Variants in USP8 observed in about 807,000 individuals in gnomAD.
USP8 encodes the protein ubiquitin specific peptidase 8.
Under a neutral mutation model 130.0 loss-of-function variants are expected in USP8, and 27 were observed. The ratio of observed to expected loss-of-function variants is 0.21; its 90% CI spans 0.15 to 0.29. USP8 has a LOEUF of 0.29. Among genes scored for constraint, USP8 ranks in the 10% least tolerant of loss-of-function variants. USP8 has a pLI of 1.00. For missense variants in USP8, 1,029 were observed against 1,312.2 expected (o/e 0.78, Z 3.33); for synonymous variants, 392 against 444.1 (o/e 0.88, Z 1.48).
chr15:50,445,322 G>C (rs955752153), intron 3 of USP8, among the ~76,000 whole-genome samples: 1 of 151,114 alleles, frequency 6.6e-6, no homozygotes, highest in Non-Finnish European at 1.5e-5. Context: ...GAGGCAGGTG[G>C]ATCACTTGCG....
chr15:50,482,517 TTG>T (rs2051811865), intron 11 of USP8, among the ~76,000 whole-genome samples: 1 of 152,224 alleles, frequency 6.6e-6, no homozygotes, highest in Non-Finnish European at 1.5e-5. Flanking sequence ...TAGTGATTTT[TTG>T]GTCAGATCGG....
intron 5 of USP8, among the ~76,000 whole-genome samples, chr15:50,461,281 C>T (rs1006939125): frequency 6.6e-6 from 1 of 151,882 alleles, no homozygotes; most frequent in Non-Finnish European, 1.5e-5. Flanking sequence ...CGTCAGCCAC[C>T]GTGCCTGGCC....
Position 50,504,046 on chromosome 15 carries a change from C to A in USP8, c.*4958C>A, listed in dbSNP as rs1200604428. ...ATAGTTGGCCGTCCATATTTACGGGCTCTGCATCTTCAGAATCAACTAATG... is the reference window on the plus strand; with the variant it reads ...ATAGTTGGCCGTCCATATTTACGGGATCTGCATCTTCAGAATCAACTAATG... On this transcript the variant is annotated 3_prime_UTR_variant, in exon 20 of 20. Transcript: ENST00000307179. 1 of 152,052 alleles carries A rather than the reference C, an allele frequency of 6.6e-6. No individual in the cohort carries two copies. The highest frequency in any genetic ancestry group is 1.5e-5 in the Non-Finnish European group (1 of 68,020). 9.4% of individuals were successfully genotyped at this position (152,052 alleles called of 1,614,324 possible).
rs1259464105 is a variant in USP8, at chr15:50,492,754, G to A, written c.2288G>A (p.Arg763Gln). 1.9e-6 allele frequency: 3 copies of A among 1,613,946 alleles called. No individual in the cohort carries two copies. Among genetic ancestry groups the A allele is most frequent in the East Asian group, 2.2e-5 (1 of 44,866 alleles). The change falls in exon 15 of 20, where the codon CGG (arginine) becomes CAG (glutamine). Residue 763 changes from arginine (R) to glutamine (Q), a missense_variant. This residue lies in a region of USP8 where 257 missense variants were observed against 429.8 expected (regional missense o/e 0.60). Coordinates refer to ENST00000307179, the MANE Select transcript of USP8 (RefSeq NM_005154.5). ...EISRLSASQIRNLNPVFGGSG... is the reference protein window; with the variant it reads ...EISRLSASQIQNLNPVFGGSG... The stretch of plus-strand genomic sequence containing the variant: ...TCAAGGCTTTCTGCTTCTCAGATTC[G>A]GAACCTCAATCCTGTTTTTGGAGGT...
chr15:50,500,564 A>C lies in USP8; in HGVS notation c.*1476A>C. Reference sequence around the variant, plus strand: ...CATAAAAATGTTAATGATGCAAGTAAGTTCTAAGAGTTTAATGACCAAGCA... The same window carrying C: ...CATAAAAATGTTAATGATGCAAGTACGTTCTAAGAGTTTAATGACCAAGCA... On this transcript the variant is annotated 3_prime_UTR_variant, in exon 20 of 20. Transcript: ENST00000307179. 1 of 503,288 alleles carries C rather than the reference A, an allele frequency of 2.0e-6. No homozygotes were observed. Among genetic ancestry groups the C allele is most frequent in the Non-Finnish European group, 3.6e-6 (1 of 277,248 alleles). 31.2% of individuals were successfully genotyped at this position (503,288 alleles called of 1,614,324 possible).
rs913560235 is a variant in USP8 at position 50,439,806 on chromosome 15, A to C, written c.104+629A>C. Among the ~76,000 whole-genome samples, 133 of 104,008 alleles carry C rather than the reference A, an allele frequency of 1.3e-3. 1 individual carries two copies. Among genetic ancestry groups the C allele is most frequent in the African/African-American group, 3.8e-3 (123 of 32,376 alleles). The allele number at this position is 104,008 out of a possible 152,430, so 68.2% of individuals were successfully genotyped here. A position where few individuals can be genotyped will look rare whatever the true frequency, so the allele number is the denominator to read the frequency against. On this transcript the variant is annotated intron_variant, in intron 2 of 19. Transcript: ENST00000307179. The stretch of plus-strand genomic sequence containing the variant: ...ACTCTGTCTCAATAATAATAATAAT[A>C]ATAATAATAATAATAATAATAATTT...
chr15:50,435,894 C>T (rs2141250339), intron 1 of USP8, among the ~76,000 whole-genome samples: 1 of 152,216 alleles, frequency 6.6e-6, no homozygotes, highest in Middle Eastern at 3.4e-3. Flanking sequence ...CTGTACTTTC[C>T]CTCCTTGTGT....
intron 16 of USP8, among the ~76,000 whole-genome samples, chr15:50,494,573 T>TA (rs1158354808): frequency 6.6e-6 from 1 of 152,250 alleles, no homozygotes; most frequent in African/African-American, 2.4e-5. Context: ...AATGATCTTA[T>TA]AAAAGATTAT....
chr15:50,424,602 G>C, intron 1 of USP8, 88 bp downstream of exon 1: 2 of 397,888 alleles, frequency 5.0e-6, no homozygotes. Context: ...CCAGCTGCTG[G>C]TTACCCCGGA....
intron 17 of USP8, among the ~76,000 whole-genome samples, chr15:50,496,675 G>A (rs960697074): frequency 1.3e-5 from 2 of 152,102 alleles, no homozygotes; most frequent in Admixed American, 1.3e-4. Context: ...GTTGTCTGTT[G>A]ACTAACTTAG....
intron 4 of USP8, among the ~76,000 whole-genome samples, chr15:50,455,031 A>G (rs1232776760): frequency 6.6e-6 from 1 of 151,044 alleles, no homozygotes; most frequent in Non-Finnish European, 1.5e-5. Flanking sequence ...GTCATCTCCA[A>G]TTTTGTGTTG....
At position 50,512,296 on chromosome 15, in the gene USP8, C is replaced by G. The variant is rs550397423; in HGVS notation, c.*13208C>G. The stretch of plus-strand genomic sequence containing the variant: ...TGAGCTGAAATCATGCCACTGCACT[C>G]CAGCCTGGGCAACAGAGCAAGACTC... On this transcript the variant is annotated 3_prime_UTR_variant, in exon 20 of 20. Coordinates refer to ENST00000307179, the MANE Select transcript of USP8 (RefSeq NM_005154.5). 6.6e-6 allele frequency: 1 copy of G among 151,630 alleles called. No individual in the cohort carries two copies. 9.4% of individuals were successfully genotyped at this position (151,630 alleles called of 1,614,324 possible). A position where few individuals can be genotyped will look rare whatever the true frequency, so the allele number is the denominator to read the frequency against.
In USP8 at chr15:50,465,164, G is replaced by A. The variant is rs140695550; in HGVS notation, c.659G>A (p.Ser220Asn). 1.0e-4 allele frequency: 164 copies of A among 1,613,910 alleles called. No individual in the cohort carries two copies. The African/African-American group carries it at 1.9e-3, about 19-fold the overall frequency. ...YQDSCILHSL[S>N]VPEEAISPGV... Reference sequence around the variant, plus strand: ...GATTCCTGTATTTTACATTCTCTCAGTGTTCCTGAAGAAGCCATCAGTCCA... The same window carrying A: ...GATTCCTGTATTTTACATTCTCTCAATGTTCCTGAAGAAGCCATCAGTCCA... The change falls in exon 7 of 20, where the codon AGT becomes AAT. Residue 220 changes from serine (S) to asparagine (N), a missense_variant. By Grantham distance (46) the Ser-to-Asn change is conservative. Coordinates refer to ENST00000307179, the MANE Select transcript of USP8 (RefSeq NM_005154.5).
At chr15:50,454,217 G>C (rs566500027) in intron 4 of USP8, among the ~76,000 whole-genome samples, 75 of 152,088 alleles carry the variant, frequency 4.9e-4, no homozygotes, top group Middle Eastern at 6.8e-3. Flanking sequence ...AGGTTGGCAG[G>C]TTTTAATTTT....
intron 6 of USP8, 21 bp from the exon 7 acceptor site, chr15:50,465,026 A>G (rs1157713164): frequency 4.3e-6 from 7 of 1,611,992 alleles, no homozygotes; most frequent in Admixed American, 3.3e-5. Flanking sequence ...TGTCACTTAC[A>G]CTGTCTCTCT....
Position 50,508,513 on chromosome 15 carries a change from A to C in USP8, c.*9425A>C, listed in dbSNP as rs1176668491. On this transcript the variant is annotated 3_prime_UTR_variant, in exon 20 of 20. Coordinates refer to ENST00000307179, the MANE Select transcript of USP8 (RefSeq NM_005154.5). ...TAGACATTTGTAGTTTTAAATACTT[A>C]TATCTTAAAGGATAGACTGAGTGTT... 1 of 152,194 alleles carries C rather than the reference A, an allele frequency of 6.6e-6. No individual in the cohort carries two copies. The highest frequency in any genetic ancestry group is 1.5e-5 in the Non-Finnish European group (1 of 68,032). The allele number at this position is 152,194 out of a possible 1,614,324, so 9.4% of individuals were successfully genotyped here. A position where few individuals can be genotyped will look rare whatever the true frequency, so the allele number is the denominator to read the frequency against.
At position 50,481,929 on chromosome 15, in the gene USP8, A is replaced by G; in HGVS notation, c.1667A>G (p.Lys556Arg). Residue 556 changes from lysine (K) to arginine (R), a missense_variant, in exon 11 of 20, where the codon AAA becomes AGA. Physicochemically the swap from Lys to Arg is conservative, Grantham distance 26 (BLOSUM62 2). Coordinates refer to ENST00000307179, the MANE Select transcript of USP8 (RefSeq NM_005154.5). ...KEITGVKRQS[K>R]SEHETSDAKK... ...ATAACAGGAGTAAAAAGACAAAGTA[A>G]AAGTGAACATGAAACTTCTGATGCC... 1 of 1,608,570 alleles carries G rather than the reference A, an allele frequency of 6.2e-7. No individual in the cohort carries two copies. Among genetic ancestry groups the G allele is most frequent in the Non-Finnish European group, 8.5e-7 (1 of 1,178,612 alleles).
At position 50,501,046 on chromosome 15, in the gene USP8, TATC is replaced by T; in HGVS notation, c.*1962_*1964del. On this transcript the variant is annotated 3_prime_UTR_variant, in exon 20 of 20. Coordinates refer to ENST00000307179, the MANE Select transcript of USP8 (RefSeq NM_005154.5). ...CTACTTATATGTTGTGCCCATTGAC[TATC>T]ATCTGTGAATAAAGAAAGACAATAT... The T allele has an allele frequency of 2.0e-6, 1 of 505,538 alleles. No individual in the cohort carries two copies. The highest frequency in any genetic ancestry group is 3.6e-6 in the Non-Finnish European group (1 of 278,364). The allele number at this position is 505,538 out of a possible 1,614,324, so 31.3% of individuals were successfully genotyped here.
Position 50,513,157 on chromosome 15 carries a change from T to C in USP8, c.*14069T>C, listed in dbSNP as rs1456166087. On this transcript the variant is annotated 3_prime_UTR_variant, in exon 20 of 20. Transcript: ENST00000307179. Reference sequence around the variant, plus strand: ...GGGTATGTATTGGTATAATCACTTGTAGAAAGTTAAATATGCACATACTTT... The same window carrying C: ...GGGTATGTATTGGTATAATCACTTGCAGAAAGTTAAATATGCACATACTTT... 1 of 152,166 alleles carries C rather than the reference T, an allele frequency of 6.6e-6. No individual in the cohort carries two copies. Among genetic ancestry groups the C allele is most frequent in the Non-Finnish European group, 1.5e-5 (1 of 68,026 alleles). The allele number at this position is 152,166 out of a possible 1,614,324, so 9.4% of individuals were successfully genotyped here. A position where few individuals can be genotyped will look rare whatever the true frequency, so the allele number is the denominator to read the frequency against.
Sources: gnomAD v4.1 joint callset for allele counts (sites outside exome capture counted in the v4.1 genomes callset) on GRCh38, gnomAD v4.1.1 for gene constraint, gnomAD v4.1.1 regional missense constraint, MANE v1.5 for transcripts, NCBI Gene and HGNC (gene_info 2026-07-23, HGNC 2026-07-21) for gene names.